Variants in METTL21C observed in about 807,000 individuals in gnomAD.
The protein encoded by METTL21C is protein-lysine methyltransferase METTL21C.
Under a neutral mutation model 25.9 loss-of-function variants are expected in METTL21C, and 21 were observed. That is an observed-to-expected ratio of 0.81 (90% CI 0.58 to 1.17). The LOEUF (loss-of-function observed/expected upper bound fraction) is 1.17. METTL21C is among the 50% of genes most tolerant of loss of function. The pLI, the probability that METTL21C is intolerant of heterozygous loss-of-function variation, is 0.00. For missense variants in METTL21C, 312 were observed against 315.1 expected (o/e 0.99, Z 0.07); for synonymous variants, 125 against 124.7 (o/e 1.00, Z -0.01).
At chr13:102,689,225 G>C (rs746796436) in intron 2 of METTL21C, among the ~76,000 whole-genome samples, 1 of 152,088 alleles carries the variant, frequency 6.6e-6, no homozygotes, top group East Asian at 1.9e-4. Flanking sequence ...CCACATGCCC[G>C]GCCTCTGATC....
At position 102,692,921 on chromosome 13, in the gene METTL21C, A is replaced by G. The variant is rs1343429226; in HGVS notation, c.130+1448T>C. 2.0e-5 allele frequency among the ~76,000 whole-genome samples: 3 copies of G among 152,162 alleles called. No individual in the cohort carries two copies. The East Asian group carries it at 5.8e-4, about 29-fold the overall frequency. On this transcript the variant is annotated intron_variant, in intron 1 of 3. Coordinates refer to ENST00000267273, the MANE Select transcript of METTL21C (RefSeq NM_001010977.3). ...CTAGCAGAACCCCAGCTCCCAACAC[A>G]GGGCTGAGAGGCTGGCTCTGAATTC...
At chr13:102,691,751 C>T (rs1269289788) in intron 1 of METTL21C, among the ~76,000 whole-genome samples, 1 of 152,206 alleles carries the variant, frequency 6.6e-6, no homozygotes, top group Non-Finnish European at 1.5e-5. Context: ...AAGGTAGAGG[C>T]CCAGCCAGCC....
intron 1 of METTL21C, among the ~76,000 whole-genome samples, chr13:102,692,078 G>A (rs1379872246): frequency 1.3e-5 from 2 of 152,152 alleles, no homozygotes; most frequent in African/African-American, 2.4e-5. Flanking sequence ...TTGTTTGCAC[G>A]AAACCTGCCT....
At position 102,694,900 on chromosome 13, in the gene METTL21C, TCACA is replaced by T. The variant is rs55715774; in HGVS notation, c.-406_-403del. Among the ~76,000 whole-genome samples, 1,113 of 135,510 alleles carry T rather than the reference TCACA, an allele frequency of 8.2e-3. 9 individuals are homozygous for T. The highest frequency in any genetic ancestry group is 0.027 in the South Asian group (109 of 4,066). The allele number at this position is 135,510 out of a possible 152,430, so 88.9% of individuals were successfully genotyped here. Reference sequence around the variant, plus strand: ...CTCTCTCTCTCTCTCTCTCTCTCTCTCACACACACACACACACACACACACACAC... The same window carrying T: ...CTCTCTCTCTCTCTCTCTCTCTCTCTCACACACACACACACACACACACAC... On this transcript the variant is annotated 5_prime_UTR_variant, in exon 1 of 4. It removes the in-frame stop codon of an upstream open reading frame in the 5' UTR. Transcript: ENST00000267273.
Position 102,685,922 on chromosome 13 carries a change from G to T in METTL21C, c.*109C>A. ...TACATTTGTTCCAAGTATACAAGTTGTTTCTATGCACTACCTTCTCAATCC... is the reference window on the plus strand; with the variant it reads ...TACATTTGTTCCAAGTATACAAGTTTTTTCTATGCACTACCTTCTCAATCC... On this transcript the variant is annotated 3_prime_UTR_variant, in exon 4 of 4. Coordinates refer to ENST00000267273, the MANE Select transcript of METTL21C (RefSeq NM_001010977.3). 3 of 1,087,232 alleles carry T rather than the reference G, an allele frequency of 2.8e-6. No homozygotes were observed. The highest frequency in any genetic ancestry group is 1.8e-5 in the South Asian group (1 of 55,860). The allele number at this position is 1,087,232 out of a possible 1,614,324, so 67.3% of individuals were successfully genotyped here.
chr13:102,690,307 G>A lies in METTL21C; in HGVS notation c.282+506C>T, dbSNP rs988489398. Among the ~76,000 whole-genome samples the A allele has an allele frequency of 6.6e-5, 10 of 152,128 alleles. No individual in the cohort carries two copies. In the South Asian group the frequency reaches 2.1e-3, roughly 32 times the overall value. The stretch of plus-strand genomic sequence containing the variant: ...ATGGTGGCGCGCACCTGTAGTCCCA[G>A]CTACTCGGGAGGCTGAGGCAGGAGA... On this transcript the variant is annotated intron_variant, in intron 2 of 3. Coordinates refer to ENST00000267273, the MANE Select transcript of METTL21C (RefSeq NM_001010977.3).
intron 2 of METTL21C, among the ~76,000 whole-genome samples, chr13:102,687,951 G>A (rs1885718611): frequency 2.0e-5 from 3 of 152,304 alleles, no homozygotes; most frequent in African/African-American, 7.2e-5. Flanking sequence ...GTGTTTACGT[G>A]TATGGCAATG....
chr13:102,690,438 A>G (rs73583321), intron 2 of METTL21C, among the ~76,000 whole-genome samples: 39 of 150,910 alleles, frequency 2.6e-4, no homozygotes, highest in East Asian at 1.2e-3. Flanking sequence ...AAAAAAAAAA[A>G]AGAGAGAGAT....
upstream of METTL21C, among the ~76,000 whole-genome samples, chr13:102,695,154 C>G (rs1428612978): frequency 2.0e-5 from 3 of 152,074 alleles, no homozygotes; most frequent in Non-Finnish European, 4.4e-5. Flanking sequence ...CATGCCCACC[C>G]AGCCTCTGCC....
At chr13:102,695,967 C>T (rs181718643), upstream of METTL21C, among the ~76,000 whole-genome samples, 198 of 152,162 alleles carry the variant, frequency 1.3e-3, 1 homozygote, top group African/African-American at 4.6e-3. Flanking sequence ...CAAACATATG[C>T]GTTCATTCTA....
chr13:102,702,511 A>T, the METTL21C span, among the ~76,000 whole-genome samples: 792 of 152,332 alleles, frequency 5.2e-3, 4 homozygotes, highest in African/African-American at 0.018. Context: ...TAGAATATGC[A>T]ATAAATTCTA....
At position 102,694,904 on chromosome 13, in the gene METTL21C, A is replaced by T. The variant is rs143905393; in HGVS notation, c.-406T>A. Among the ~76,000 whole-genome samples, 17,323 of 130,840 alleles carry T rather than the reference A, an allele frequency of 0.13. 997 individuals carry two copies. The highest frequency in any genetic ancestry group is 0.2 in the Middle Eastern group (53 of 260). 85.8% of individuals were successfully genotyped at this position (130,840 alleles called of 152,430 possible). ...CTCTCTCTCTCTCTCTCTCTCTCAC[A>T]CACACACACACACACACACACACAC... On this transcript the variant is annotated 5_prime_UTR_variant, in exon 1 of 4. Coordinates refer to ENST00000267273, the MANE Select transcript of METTL21C (RefSeq NM_001010977.3).
At position 102,690,900 on chromosome 13, in the gene METTL21C, G is replaced by C; in HGVS notation, c.195C>G (p.Ser65Arg). 1 of 1,614,142 alleles carries C rather than the reference G, an allele frequency of 6.2e-7. No individual in the cohort carries two copies. Among genetic ancestry groups the C allele is most frequent in the Non-Finnish European group, 8.5e-7 (1 of 1,179,996 alleles). ...LQKFVPTDYASYTQEHYRFAG... is the reference protein window; with the variant it reads ...LQKFVPTDYARYTQEHYRFAG... ...CAAACCGATAATGCTCCTGAGTGTAGCTGGCGTAATCTGTAGGAACAAATT... is the reference window on the plus strand; with the variant it reads ...CAAACCGATAATGCTCCTGAGTGTACCTGGCGTAATCTGTAGGAACAAATT... The change falls in exon 2 of 4, where the codon AGC becomes AGG. Residue 65 changes from serine (S) to arginine (R), a missense_variant. Coordinates refer to ENST00000267273, the MANE Select transcript of METTL21C (RefSeq NM_001010977.3).
At chr13:102,703,220 G>T in the METTL21C span, among the ~76,000 whole-genome samples, 1 of 152,120 alleles carries the variant, frequency 6.6e-6, no homozygotes, top group African/African-American at 2.4e-5. Context: ...TTCACGTGCT[G>T]CCCTTCTCCT....
upstream of METTL21C, among the ~76,000 whole-genome samples, chr13:102,696,950 A>C (rs1885957252): frequency 6.6e-6 from 1 of 152,198 alleles, no homozygotes; most frequent in Non-Finnish European, 1.5e-5. Flanking sequence ...GGGCAGGGAC[A>C]CACAAGTTGT....
intron 2 of METTL21C, among the ~76,000 whole-genome samples, chr13:102,688,701 AAG>A (rs1885743844): frequency 1.3e-5 from 2 of 152,162 alleles, no homozygotes; most frequent in South Asian, 4.1e-4. Context: ...ATGTCAGGAA[AAG>A]AGTGTCACCT....
At chr13:102,689,095 A>ACT (rs11419397) in intron 2 of METTL21C, among the ~76,000 whole-genome samples, 4 of 151,530 alleles carry the variant, frequency 2.6e-5, no homozygotes, top group African/African-American at 9.7e-5. Flanking sequence ...TTTTTTTTAA[A>ACT]ATTATTATTT....
rs1885923978 is a variant in METTL21C at position 102,694,974 on chromosome 13, A to C, written c.-476T>G. On this transcript the variant is annotated 5_prime_UTR_variant, in exon 1 of 4. Coordinates refer to ENST00000267273, the MANE Select transcript of METTL21C (RefSeq NM_001010977.3). Reference sequence around the variant, plus strand: ...CAATGGAATTCCCTTCAAAAGTTTCAGGAATATCACTGGAACAGAACAGAG... The same window carrying C: ...CAATGGAATTCCCTTCAAAAGTTTCCGGAATATCACTGGAACAGAACAGAG... Among the ~76,000 whole-genome samples, 2 of 151,772 alleles carry C rather than the reference A, an allele frequency of 1.3e-5. No individual in the cohort carries two copies. The highest frequency in any genetic ancestry group is 1.3e-4 in the Admixed American group (2 of 15,228).
In METTL21C at chr13:102,694,657, A is replaced by G. The variant is rs981214404; in HGVS notation, c.-159T>C. ...AAATGACTCCTTGTTAGTATGCCCAAAATAATTTTGAATTGTTACACGTAT... is the reference window on the plus strand; with the variant it reads ...AAATGACTCCTTGTTAGTATGCCCAGAATAATTTTGAATTGTTACACGTAT... On this transcript the variant is annotated 5_prime_UTR_variant, in exon 1 of 4. Coordinates refer to ENST00000267273, the MANE Select transcript of METTL21C (RefSeq NM_001010977.3). 6.6e-6 allele frequency among the ~76,000 whole-genome samples: 1 copy of G among 151,378 alleles called. No homozygotes were observed. The highest frequency in any genetic ancestry group is 2.4e-5 in the African/African-American group (1 of 41,136).
Sources: gnomAD v4.1 joint callset for allele counts (sites outside exome capture counted in the v4.1 genomes callset) on GRCh38, gnomAD v4.1.1 for gene constraint, MANE v1.5 for transcripts, NCBI Gene and HGNC (gene_info 2026-07-23, HGNC 2026-07-21) for gene names.